Variants in SORCS1 observed in about 807,000 individuals in gnomAD.
SORCS1 encodes VPS10 domain-containing receptor SorCS1.
Under a neutral mutation model 146.1 loss-of-function variants are expected in SORCS1, and 60 were observed. The observed-to-expected ratio is 0.41, with a 90% CI of 0.33 to 0.51. SORCS1 has a LOEUF of 0.51. Ranked by LOEUF, SORCS1 falls within the 20% of genes least tolerant of loss-of-function variation. The pLI is 0.21. For synonymous variants in SORCS1, 637 were observed against 584.0 expected (o/e 1.09, Z -1.31); for missense variants, 1,352 against 1,487.6 (o/e 0.91, Z 1.50).
At chr10:106,652,304 A>G in intron 18 of SORCS1, 78 bp downstream of exon 18, 1 of 1,408,286 alleles carries the variant, frequency 7.1e-7, no homozygotes, top group South Asian at 1.8e-5. Flanking sequence ...GTTGAAAAAG[A>G]TATGGAAACA....
chr10:107,156,398 T>C (rs1969285759), intron 1 of SORCS1, among the ~76,000 whole-genome samples: 1 of 152,164 alleles, frequency 6.6e-6, no homozygotes, highest in Admixed American at 6.5e-5. Flanking sequence ...TTCATAAAGG[T>C]GTCGTGATAA....
chr10:106,890,508 C>A (rs1230821336), intron 2 of SORCS1, among the ~76,000 whole-genome samples: 1 of 152,028 alleles, frequency 6.6e-6, no homozygotes, highest in African/African-American at 2.4e-5. Flanking sequence ...TGATCGCTAG[C>A]GATGAGTATG....
intron 4 of SORCS1, among the ~76,000 whole-genome samples, chr10:106,768,339 C>T (rs989372323): frequency 6.6e-6 from 1 of 152,114 alleles, no homozygotes; most frequent in African/African-American, 2.4e-5. Flanking sequence ...AAACTGAGTG[C>T]CTTTTAACTT....
intron 24 of SORCS1, among the ~76,000 whole-genome samples, chr10:106,584,959 A>G (rs145113017): frequency 0.014 from 2,065 of 152,304 alleles, 47 homozygotes; most frequent in African/African-American, 0.047. Flanking sequence ...TACTATGTGA[A>G]ATATTCCTCA....
intron 3 of SORCS1, among the ~76,000 whole-genome samples, chr10:106,823,685 T>C (rs1164106600): frequency 6.6e-6 from 1 of 151,820 alleles, no homozygotes; most frequent in East Asian, 1.9e-4. Flanking sequence ...GAAGTGAGAG[T>C]AAAGTGCTAG....
At chr10:107,072,668 T>C (rs1357948134) in intron 1 of SORCS1, among the ~76,000 whole-genome samples, 1 of 151,184 alleles carries the variant, frequency 6.6e-6, no homozygotes, top group Non-Finnish European at 1.5e-5. Context: ...ACGAGAACAC[T>C]TGCATTATTT....
At chr10:107,138,195 A>AC (rs993983317) in intron 1 of SORCS1, among the ~76,000 whole-genome samples, 1 of 151,992 alleles carries the variant, frequency 6.6e-6, no homozygotes, top group Non-Finnish European at 1.5e-5. Context: ...TGATCTCTCC[A>AC]CCCCTTAAAT....
chr10:107,109,801 G>A (rs1965564971), intron 1 of SORCS1, among the ~76,000 whole-genome samples: 1 of 152,162 alleles, frequency 6.6e-6, no homozygotes. Flanking sequence ...TCTGTTTCCT[G>A]CTTAAATATA....
chr10:107,180,865 C>A, the SORCS1 span, among the ~76,000 whole-genome samples: 1 of 152,226 alleles, frequency 6.6e-6, no homozygotes, highest in African/African-American at 2.4e-5. Context: ...CTACTACACA[C>A]CTAGGCTCTA....
intron 6 of SORCS1, among the ~76,000 whole-genome samples, chr10:106,720,391 A>T (rs188911176): frequency 6.6e-6 from 1 of 151,672 alleles, no homozygotes; most frequent in African/African-American, 2.4e-5. Flanking sequence ...AATGAGGAAA[A>T]TAAGAATAGT....
Position 106,607,172 on chromosome 10 carries a change from C to G in SORCS1, c.3159G>C (p.Leu1053=). The G allele has an allele frequency of 6.2e-7, 1 of 1,613,962 alleles. No individual in the cohort carries two copies. The highest frequency in any genetic ancestry group is 8.5e-7 in the Non-Finnish European group (1 of 1,179,890). ...AGENKRSTDD[L]EQISELLIHT... ...CCTTTTCCAGGGGACTCACCTGCTC[C>G]AGGTCATCAGTTGACCTTTTGTTTT... Residue 1053 remains leucine (L), a synonymous_variant, in exon 23 of 26, where the codon CTG becomes CTC. Transcript: ENST00000263054.
At chr10:106,936,790 G>T (rs1342021322) in intron 2 of SORCS1, among the ~76,000 whole-genome samples, 1 of 152,138 alleles carries the variant, frequency 6.6e-6, no homozygotes, top group Non-Finnish European at 1.5e-5. Context: ...ATAATGCAAG[G>T]TTCAACTCTA....
At chr10:107,009,376 T>A (rs1957593337) in intron 1 of SORCS1, among the ~76,000 whole-genome samples, 1 of 152,212 alleles carries the variant, frequency 6.6e-6, no homozygotes, top group Non-Finnish European at 1.5e-5. Context: ...TTAGAATTAT[T>A]TGGGCAGAGA....
intron 2 of SORCS1, among the ~76,000 whole-genome samples, chr10:106,856,083 G>A (rs1224148518): frequency 1.3e-5 from 2 of 150,012 alleles, no homozygotes; most frequent in African/African-American, 2.5e-5. Context: ...CTGGAGTGCC[G>A]TGGTGCAATC....
chr10:106,843,818 G>A (rs4917488), intron 2 of SORCS1, among the ~76,000 whole-genome samples: 5,394 of 152,212 alleles, frequency 0.035, 115 homozygotes, highest in Admixed American at 0.056. Flanking sequence ...CAGACACTTA[G>A]GTTGTTTCCG....
Position 107,164,656 on chromosome 10 carries a change from G to T in SORCS1, c.-130C>A. ...TCCAAGTTGCGCCGCGGTGGGGGCG[G>T]GCGGAGGCGGCGCCGGGCAGGTGGC... On this transcript the variant is annotated 5_prime_UTR_variant, in exon 1 of 26. Coordinates refer to ENST00000263054, the MANE Select transcript of SORCS1 (RefSeq NM_052918.5). The surrounding 1 kb of genome is among the most constrained non-coding windows in gnomAD (Gnocchi z 6.8). 1.4e-6 allele frequency: 1 copy of T among 701,974 alleles called. No individual in the cohort carries two copies. Among genetic ancestry groups the T allele is most frequent in the Non-Finnish European group, 2.0e-6 (1 of 502,446 alleles). 43.5% of individuals were successfully genotyped at this position (701,974 alleles called of 1,614,324 possible).
intron 1 of SORCS1, among the ~76,000 whole-genome samples, chr10:107,075,118 T>C (rs1403211701): frequency 6.6e-6 from 1 of 152,182 alleles, no homozygotes; most frequent in Non-Finnish European, 1.5e-5. Flanking sequence ...TTTGGGAGTT[T>C]TGTAAACTGA....
At chr10:107,146,263 TC>T (rs1296079136) in intron 1 of SORCS1, among the ~76,000 whole-genome samples, 1 of 152,218 alleles carries the variant, frequency 6.6e-6, no homozygotes, top group Admixed American at 6.5e-5. Flanking sequence ...AGCGTTTGTC[TC>T]TTTAGATACA....
intron 2 of SORCS1, among the ~76,000 whole-genome samples, chr10:106,835,638 AAT>A (rs1374376683): frequency 1.1e-4 from 17 of 152,228 alleles, no homozygotes; most frequent in Non-Finnish European, 4.4e-5. Context: ...GAATATAAGC[AAT>A]AAAGATTCCA....
Sources: gnomAD v4.1 joint callset for allele counts (sites outside exome capture counted in the v4.1 genomes callset) on GRCh38, gnomAD v4.1.1 for gene constraint, Gnocchi (gnomAD v3.1) non-coding constraint, MANE v1.5 for transcripts, NCBI Gene and HGNC (gene_info 2026-07-23, HGNC 2026-07-21) for gene names.